Variants in FRAS1 observed in about 807,000 individuals in gnomAD.
The protein encoded by FRAS1 is Fraser extracellular matrix complex subunit 1.
FRAS1 carries 290 observed loss-of-function variants against 435.2 expected under a neutral mutation model. That is an observed-to-expected ratio of 0.67 (90% confidence interval 0.61 to 0.73). FRAS1 has a LOEUF of 0.73. Among genes scored for constraint, FRAS1 ranks in the 30% least tolerant of loss-of-function variants. The pLI is 0.00. For missense variants in FRAS1, 4,860 were observed against 5,001.5 expected (o/e 0.97, Z 0.85); for synonymous variants, 1,800 against 1,851.0 (o/e 0.97, Z 0.71).
At chr4:78,468,544 A>G (rs1013821454) in intron 50 of FRAS1, among the ~76,000 whole-genome samples, 1 of 138,912 alleles carries the variant, frequency 7.2e-6, no homozygotes, top group Non-Finnish European at 1.6e-5. Context: ...TTGTGAAACC[A>G]GTAAAATGCT....
intron 14 of FRAS1, among the ~76,000 whole-genome samples, chr4:78,292,574 G>A (rs1443911137): frequency 6.6e-6 from 1 of 152,126 alleles, no homozygotes; most frequent in African/African-American, 2.4e-5. Flanking sequence ...AAAGCAGCAG[G>A]GATTTAATGG....
In FRAS1 at chr4:78,445,259, G is replaced by A. The variant is rs151156426; in HGVS notation, c.5666-263G>A. On this transcript the variant is annotated intron_variant, in intron 41 of 73. Transcript: ENST00000512123. Reference sequence around the variant, plus strand: ...TTCTATGTTATATAAATTATTGTAAGTTTTTTTGCATATTATCTCATTTGA... The same window carrying A: ...TTCTATGTTATATAAATTATTGTAAATTTTTTTGCATATTATCTCATTTGA... Among the ~76,000 whole-genome samples, 1,059 of 152,176 alleles carry A rather than the reference G, an allele frequency of 7.0e-3. 5 individuals are homozygous for A. Among genetic ancestry groups the A allele is most frequent in the Non-Finnish European group, 0.011 (727 of 68,006 alleles).
chr4:78,152,960 T>C (rs1720734039), intron 2 of FRAS1, among the ~76,000 whole-genome samples: 3 of 152,124 alleles, frequency 2.0e-5, no homozygotes, highest in Non-Finnish European at 4.4e-5. Context: ...GAGCTCTCCC[T>C]TTTTTCCTAT....
At position 78,265,074 on chromosome 4, in the gene FRAS1, C is replaced by G. The variant is rs187667563; in HGVS notation, c.653C>G (p.Ala218Gly). Residue 218 changes from alanine to glycine, a missense_variant, in exon 7 of 74, where the codon GCA becomes GGA. Coordinates refer to ENST00000512123, the MANE Select transcript of FRAS1 (RefSeq NM_025074.7). ...GGAAAATGTTGCCCGCAGTGCTCTG[C>G]AAGATCCTGCTCTGCAGCTGGCCAA... Reference protein sequence around the residue: ...VPGKCCPQCSARSCSAAGQVY... With the variant: ...VPGKCCPQCSGRSCSAAGQVY... 14 of 1,613,350 alleles carry G rather than the reference C, an allele frequency of 8.7e-6. No homozygotes were observed. Among genetic ancestry groups the G allele is most frequent in the Middle Eastern group, 3.3e-4 (2 of 6,062 alleles).
At chr4:78,290,803 CTTTTT>C (rs56771542) in intron 14 of FRAS1, among the ~76,000 whole-genome samples, 3 of 121,820 alleles carry the variant, frequency 2.5e-5, no homozygotes, top group Admixed American at 1.7e-4. Context: ...TATTTATTGC[CTTTTT>C]TTTTTTTTTT....
intron 28 of FRAS1, 81 bp from the exon 29 acceptor site, chr4:78,387,294 G>C (rs1732253010): frequency 2.9e-6 from 3 of 1,031,820 alleles, no homozygotes; most frequent in Admixed American, 2.2e-5. Context: ...AAAAAGTATA[G>C]GAATAACAAT....
intron 1 of FRAS1, among the ~76,000 whole-genome samples, chr4:78,062,411 G>A (rs1042770576): frequency 6.6e-6 from 1 of 152,068 alleles, no homozygotes; most frequent in South Asian, 2.1e-4. Context: ...ACAACATAAA[G>A]CCTGAACATT....
At chr4:78,059,400 A>G (rs1361788201) in intron 1 of FRAS1, among the ~76,000 whole-genome samples, 5 of 152,144 alleles carry the variant, frequency 3.3e-5, no homozygotes, top group African/African-American at 9.6e-5. Context: ...TCAAGTGTGT[A>G]TAATCTCCGC....
rs576839481 is a variant in FRAS1 at position 78,179,687 on chromosome 4, A to G, written c.109-57823A>G. 8.5e-5 allele frequency among the ~76,000 whole-genome samples: 13 copies of G among 152,328 alleles called. No homozygotes were observed. The South Asian group carries it at 2.7e-3, about 32-fold the overall frequency. On this transcript the variant is annotated intron_variant, in intron 2 of 73. Coordinates refer to ENST00000512123, the MANE Select transcript of FRAS1 (RefSeq NM_025074.7). Reference sequence around the variant, plus strand: ...GGAATTGACTTTCATCTGGAGGTGGAATAAAACCATATATGATTAAGAGAC... The same window carrying G: ...GGAATTGACTTTCATCTGGAGGTGGGATAAAACCATATATGATTAAGAGAC...
intron 2 of FRAS1, among the ~76,000 whole-genome samples, chr4:78,165,563 C>A (rs1411511519): frequency 1.3e-5 from 2 of 152,124 alleles, no homozygotes; most frequent in Admixed American, 6.5e-5. Context: ...TAACCGACCA[C>A]CCCCAAACAT....
In FRAS1 at chr4:78,420,879, CATATATATATATATAT is replaced by C. The variant is rs72430754; in HGVS notation, c.4541-957_4541-942del. Among the ~76,000 whole-genome samples, 747 of 95,512 alleles carry C rather than the reference CATATATATATATATAT, an allele frequency of 7.8e-3. 10 individuals are homozygous for C. The highest frequency in any genetic ancestry group is 9.8e-3 in the Non-Finnish European group (503 of 51,112). The allele number at this position is 95,512 out of a possible 152,430, so 62.7% of individuals were successfully genotyped here. On this transcript the variant is annotated intron_variant, in intron 33 of 73. Coordinates refer to ENST00000512123, the MANE Select transcript of FRAS1 (RefSeq NM_025074.7). The stretch of plus-strand genomic sequence containing the variant: ...CTCTAGAGGGACAGAACTAATAGGA[CATATATATATATATAT>C]ATATATATATATATATATATATATA...
At chr4:78,354,019 AAAAT>A (rs1730745097) in intron 20 of FRAS1, among the ~76,000 whole-genome samples, 1 of 4,676 alleles carries the variant, frequency 2.1e-4, no homozygotes, top group South Asian at 2.4e-3. Context: ...AAAAAAAAAT[AAAAT>A]AAAAAAAAAA....
chr4:78,477,728 G>A, intron 54 of FRAS1, 87 bp from the exon 55 acceptor site: 1 of 1,500,024 alleles, frequency 6.7e-7, no homozygotes, highest in South Asian at 1.3e-5. Flanking sequence ...CACTGGACTT[G>A]GATGCTCTTT....
intron 2 of FRAS1, chr4:78,072,104 A>G (rs1375423259): frequency 6.6e-6 from 1 of 152,014 alleles, no homozygotes; most frequent in Admixed American, 6.6e-5. Flanking sequence ...AAAGGAGTAA[A>G]ATTACAGTTA....
chr4:78,265,551 G>C (rs912797559), intron 7 of FRAS1, among the ~76,000 whole-genome samples: 2 of 152,200 alleles, frequency 1.3e-5, no homozygotes, highest in African/African-American at 4.8e-5. Flanking sequence ...AGGGAAGGGA[G>C]GCGAGAGGCT....
At chr4:78,360,424 C>G (rs1276740157) in intron 20 of FRAS1, among the ~76,000 whole-genome samples, 5 of 151,924 alleles carry the variant, frequency 3.3e-5, no homozygotes, top group Non-Finnish European at 5.9e-5. Context: ...GTTTTTAGGA[C>G]AGTAGGCAAT....
chr4:78,290,123 A>C (rs561924201), intron 14 of FRAS1, among the ~76,000 whole-genome samples: 1 of 152,218 alleles, frequency 6.6e-6, no homozygotes, highest in Non-Finnish European at 1.5e-5. Flanking sequence ...AGCTAAAACA[A>C]CCAACAACAC....
At chr4:78,535,764 A>G (rs1721861440) in intron 71 of FRAS1, among the ~76,000 whole-genome samples, 1 of 152,172 alleles carries the variant, frequency 6.6e-6, no homozygotes, top group Non-Finnish European at 1.5e-5. Flanking sequence ...CCATGTTTCT[A>G]AGGCCCAAGT....
intron 2 of FRAS1, among the ~76,000 whole-genome samples, chr4:78,098,377 G>A (rs1239374402): frequency 2.0e-5 from 3 of 150,216 alleles, no homozygotes; most frequent in Non-Finnish European, 4.4e-5. Context: ...CCAGGTTCCT[G>A]CAATTCTCCT....
Sources: allele counts gnomAD v4.1 joint callset (sites outside exome capture counted in the v4.1 genomes callset), GRCh38; gene constraint gnomAD v4.1.1; transcripts MANE v1.5; gene names NCBI Gene and HGNC (gene_info 2026-07-23, HGNC 2026-07-21).